NCAM2: variants seen among roughly 807,000 people sequenced by gnomAD.
NCAM2 encodes neural cell adhesion molecule 2, also known as N-CAM-2.
NCAM2 carries 30 observed loss-of-function variants against 98.1 expected under a neutral mutation model. The observed-to-expected ratio is 0.31, with a 90% CI of 0.23 to 0.41. The LOEUF is 0.41. Ranked by LOEUF, NCAM2 falls within the 10% of genes least tolerant of loss-of-function variation. The pLI, the probability that NCAM2 is intolerant of heterozygous loss-of-function variation, is 1.00. For missense variants in NCAM2, 867 were observed against 1,005.8 expected (o/e 0.86, Z 1.87); for synonymous variants, 368 against 342.4 (o/e 1.07, Z -0.83).
chr21:21,032,298 G>A (rs1250093736), intron 1 of NCAM2, among the ~76,000 whole-genome samples: 3 of 152,120 alleles, frequency 2.0e-5, no homozygotes, highest in African/African-American at 7.2e-5. Context: ...TATTTAGTAA[G>A]TAAATTAAAT....
intron 1 of NCAM2, among the ~76,000 whole-genome samples, chr21:21,056,943 A>G (rs1047006917): frequency 6.6e-6 from 1 of 152,028 alleles, no homozygotes; most frequent in African/African-American, 2.4e-5. Context: ...CTGATATTAT[A>G]TACCCTCTTT....
At chr21:21,457,431 G>A (rs536504908) in intron 12 of NCAM2, among the ~76,000 whole-genome samples, 38 of 152,246 alleles carry the variant, frequency 2.5e-4, no homozygotes, top group African/African-American at 7.9e-4. Context: ...CATGAGGTCC[G>A]GAGTTCGAGA....
intron 1 of NCAM2, among the ~76,000 whole-genome samples, chr21:21,201,384 C>G (rs1251619095): frequency 6.6e-6 from 1 of 152,156 alleles, no homozygotes; most frequent in East Asian, 1.9e-4. Context: ...GGCCTGTGAC[C>G]AGTAGGCGAA....
intron 1 of NCAM2, among the ~76,000 whole-genome samples, chr21:21,048,685 C>T (rs1327088926): frequency 1.3e-5 from 2 of 152,184 alleles, no homozygotes; most frequent in Non-Finnish European, 2.9e-5. Context: ...ATTAATGTCT[C>T]ATGCCTCCCT....
intron 1 of NCAM2, among the ~76,000 whole-genome samples, chr21:21,067,466 A>T (rs1179241275): frequency 6.6e-6 from 1 of 152,134 alleles, no homozygotes; most frequent in African/African-American, 2.4e-5. Flanking sequence ...ATATAGGAAT[A>T]ATATGAATTA....
Position 21,060,638 on chromosome 21 carries a change from A to G in NCAM2, c.55+62020A>G, listed in dbSNP as rs539242648. On this transcript the variant is annotated intron_variant, in intron 1 of 17. Coordinates refer to ENST00000400546, the MANE Select transcript of NCAM2 (RefSeq NM_004540.5). ...ACACCCTATTAAGCAGGAGTAAAAA[A>G]TGACAAAATTGGAATACTGCAGTGT... Among the ~76,000 whole-genome samples, 4 of 152,274 alleles carry G rather than the reference A, an allele frequency of 2.6e-5. No homozygotes were observed. The East Asian group carries it at 7.7e-4, about 29-fold the overall frequency.
chr21:21,058,812 A>T (rs2065265021), intron 1 of NCAM2, among the ~76,000 whole-genome samples: 1 of 151,958 alleles, frequency 6.6e-6, no homozygotes, highest in South Asian at 2.1e-4. Context: ...TATTCACTGC[A>T]TTTTTGCTTT....
chr21:21,336,670 G>A (rs1310559290), intron 7 of NCAM2, among the ~76,000 whole-genome samples: 3 of 152,172 alleles, frequency 2.0e-5, no homozygotes, highest in Non-Finnish European at 4.4e-5. Context: ...CTGCAGACTG[G>A]CCCTGTAGTC....
chr21:21,532,759 A>G (rs574579776), intron 16 of NCAM2, among the ~76,000 whole-genome samples: 1 of 152,224 alleles, frequency 6.6e-6, no homozygotes, highest in East Asian at 1.9e-4. Context: ...AAAAGAATCA[A>G]TTGAAGAATA....
chr21:21,171,603 A>G (rs2146848148), intron 1 of NCAM2, among the ~76,000 whole-genome samples: 1 of 152,286 alleles, frequency 6.6e-6, no homozygotes, highest in East Asian at 1.9e-4. Context: ...TGACTGCCAC[A>G]GACTGGAATA....
chr21:21,438,183 G>A (rs1283964212), intron 12 of NCAM2, among the ~76,000 whole-genome samples: 1 of 150,956 alleles, frequency 6.6e-6, no homozygotes, highest in Non-Finnish European at 1.5e-5. Context: ...CTTTTCCTTG[G>A]TAGTAAATAT....
intron 1 of NCAM2, among the ~76,000 whole-genome samples, chr21:21,025,124 A>T (rs8128499): frequency 2.4e-4 from 37 of 151,532 alleles, no homozygotes; most frequent in Non-Finnish European, 4.3e-4. Flanking sequence ...CTCGCACTGT[A>T]GCCCAGGCTG....
chr21:21,124,462 A>C (rs1006775626), intron 1 of NCAM2, among the ~76,000 whole-genome samples: 1 of 152,156 alleles, frequency 6.6e-6, no homozygotes, highest in South Asian at 2.1e-4. Context: ...GTAGGCCTCT[A>C]AAATAGTAAA....
chr21:21,219,303 T>A (rs2070038289), intron 1 of NCAM2, among the ~76,000 whole-genome samples: 1 of 152,208 alleles, frequency 6.6e-6, no homozygotes, highest in African/African-American at 2.4e-5. Flanking sequence ...TGTGATAATT[T>A]GCTTCAGCAG....
intron 11 of NCAM2, among the ~76,000 whole-genome samples, chr21:21,427,289 A>T (rs1040725706): frequency 2.0e-5 from 3 of 152,202 alleles, no homozygotes; most frequent in Admixed American, 1.3e-4. Context: ...AATTCCAAAG[A>T]AGAAGAAACA....
At chr21:21,431,159 A>G (rs903608721) in intron 11 of NCAM2, among the ~76,000 whole-genome samples, 3 of 97,884 alleles carry the variant, frequency 3.1e-5, no homozygotes, top group Non-Finnish European at 7.0e-5. Context: ...ACATATATAT[A>G]TATTCCCTCT....
chr21:21,083,996 G>A (rs931207575), intron 1 of NCAM2, among the ~76,000 whole-genome samples: 1 of 152,130 alleles, frequency 6.6e-6, no homozygotes, highest in Non-Finnish European at 1.5e-5. Context: ...ACCATAAATT[G>A]GGTGGCTTAA....
chr21:21,221,174 C>T (rs996591119), intron 1 of NCAM2, among the ~76,000 whole-genome samples: 4 of 152,098 alleles, frequency 2.6e-5, no homozygotes, highest in African/African-American at 9.7e-5. Flanking sequence ...GTTGTGTGTT[C>T]CTACTGTTTC....
intron 1 of NCAM2, among the ~76,000 whole-genome samples, chr21:21,063,242 C>A (rs2065360101): frequency 1.1e-5 from 1 of 89,218 alleles, no homozygotes; most frequent in Non-Finnish European, 2.2e-5. Context: ...TTTTTTTGAG[C>A]CGGAGTCTCA....
Sources: allele counts gnomAD v4.1 joint callset (sites outside exome capture counted in the v4.1 genomes callset), GRCh38; gene constraint gnomAD v4.1.1; transcripts MANE v1.5; gene names NCBI Gene and HGNC (gene_info 2026-07-23, HGNC 2026-07-21).